ASIC2: variants seen among roughly 807,000 people sequenced by gnomAD.
The protein encoded by ASIC2 is acid sensing ion channel subunit 2, also known as acid-sensing ion channel 2.
A neutral mutation model predicts 57.3 loss-of-function variants in ASIC2; 25 were observed. The observed-to-expected ratio is 0.44, with a 90% confidence interval of 0.32 to 0.61. The LOEUF (loss-of-function observed/expected upper bound fraction) is 0.61, where lower values mean the gene tolerates loss of function less well. Among genes scored for constraint, ASIC2 ranks in the 20% least tolerant of loss-of-function variants. The pLI is 0.06. For missense variants in ASIC2, 641 were observed against 738.1 expected (o/e 0.87, Z 1.52); for synonymous variants, 319 against 307.5 (o/e 1.04, Z -0.39).
intron 1 of ASIC2, among the ~76,000 whole-genome samples, chr17:33,228,359 AG>A (rs1221272038): frequency 1.8e-4 from 28 of 152,318 alleles, no homozygotes; most frequent in African/African-American, 7.2e-5. Context: ...AAAAAAAAGA[AG>A]GGGGGTAAGA....
chr17:33,736,530 A>G (rs1382635190), intron 1 of ASIC2, among the ~76,000 whole-genome samples: 1 of 152,194 alleles, frequency 6.6e-6, no homozygotes, highest in Non-Finnish European at 1.5e-5. Flanking sequence ...GTTTCCTGTG[A>G]GGCAGAAGAT....
At chr17:33,546,117 A>ATATGTAAATATATATACACATATG (rs1567645855) in intron 1 of ASIC2, among the ~76,000 whole-genome samples, 1 of 150,458 alleles carries the variant, frequency 6.6e-6, no homozygotes, top group Non-Finnish European at 1.5e-5. Context: ...ATGTGCATAT[A>ATATGTAAATATATATACACATATG]TATATGTAAA....
intron 1 of ASIC2, among the ~76,000 whole-genome samples, chr17:33,485,041 C>A (rs1913531636): frequency 6.6e-6 from 1 of 152,246 alleles, no homozygotes; most frequent in Non-Finnish European, 1.5e-5. Flanking sequence ...ACAGGCTCAC[C>A]CTTCAATTCT....
intron 1 of ASIC2, among the ~76,000 whole-genome samples, chr17:34,027,406 C>A (rs905275870): frequency 2.6e-5 from 4 of 152,148 alleles, no homozygotes; most frequent in Middle Eastern, 6.3e-3. Context: ...CATCACGGGT[C>A]AGACTTGTGT....
intron 1 of ASIC2, among the ~76,000 whole-genome samples, chr17:33,981,595 C>T (rs4795842): frequency 0.13 from 19,103 of 147,222 alleles, 1,605 homozygotes; most frequent in East Asian, 0.35. Context: ...CTCTCTTGCA[C>T]AGTTTCTAAA....
intron 1 of ASIC2, among the ~76,000 whole-genome samples, chr17:34,008,064 T>G (rs1002042495): frequency 2.0e-5 from 3 of 152,212 alleles, no homozygotes; most frequent in Admixed American, 6.5e-5. Flanking sequence ...CATGTGCGTA[T>G]GTACAGTATA....
intron 1 of ASIC2, among the ~76,000 whole-genome samples, chr17:34,083,466 A>C (rs1168891251): frequency 1.3e-5 from 2 of 151,682 alleles, no homozygotes; most frequent in African/African-American, 2.4e-5. Flanking sequence ...TATTGTGAAT[A>C]GTGCCACAAT....
chr17:33,159,566 C>G (rs1597609453), intron 1 of ASIC2, among the ~76,000 whole-genome samples: 1 of 152,142 alleles, frequency 6.6e-6, no homozygotes, highest in South Asian at 2.1e-4. Flanking sequence ...GTTACCTGGC[C>G]TGGGCTTCTT....
chr17:33,895,810 C>T (rs1039032268), intron 1 of ASIC2, among the ~76,000 whole-genome samples: 3 of 152,148 alleles, frequency 2.0e-5, no homozygotes, highest in South Asian at 2.1e-4. Flanking sequence ...TCATGTCTTA[C>T]GAGGCAGAAC....
chr17:34,027,112 G>T (rs1907404565), intron 1 of ASIC2, among the ~76,000 whole-genome samples: 1 of 152,144 alleles, frequency 6.6e-6, no homozygotes, highest in Non-Finnish European at 1.5e-5. Flanking sequence ...TGCTAACAAT[G>T]ATAAAGTAAA....
rs1909316712 is a variant in ASIC2 at position 33,719,364 on chromosome 17, G to A, written c.555+436614C>T. Among the ~76,000 whole-genome samples the A allele has an allele frequency of 2.6e-5, 4 of 152,190 alleles. 1 individual carries two copies. The stretch of plus-strand genomic sequence containing the variant: ...GAGGGACCTGATTCAGCGCTGCCCT[G>A]CAGGTGTCCTGTGCAACCTGCTCCA... On this transcript the variant is annotated intron_variant, in intron 1 of 9. Coordinates refer to the ASIC2 transcript ENST00000359872.
intron 1 of ASIC2, among the ~76,000 whole-genome samples, chr17:33,694,757 G>C (rs1908476802): frequency 6.6e-6 from 1 of 152,182 alleles, no homozygotes; most frequent in South Asian, 2.1e-4. Flanking sequence ...GGGACCTGGG[G>C]ATGCTGTAAT....
chr17:34,022,555 T>C (rs1392084247), intron 1 of ASIC2, among the ~76,000 whole-genome samples: 1 of 151,478 alleles, frequency 6.6e-6, no homozygotes, highest in African/African-American at 2.4e-5. Flanking sequence ...CCAAGAACTA[T>C]GCTAGACACT....
chr17:33,641,961 C>T (rs1030248353), intron 1 of ASIC2, among the ~76,000 whole-genome samples: 6 of 152,044 alleles, frequency 3.9e-5, no homozygotes, highest in Non-Finnish European at 2.9e-5. Flanking sequence ...CTTAATTTTC[C>T]TATTTTTTAT....
At chr17:33,569,246 G>A (rs1916350128) in intron 1 of ASIC2, 1 of 152,320 alleles carries the variant, frequency 6.6e-6, no homozygotes, top group Middle Eastern at 3.2e-3. Flanking sequence ...AAGCCCTGGA[G>A]GTGGGGCCTG....
intron 1 of ASIC2, among the ~76,000 whole-genome samples, chr17:33,639,761 G>GAAAAAAA (rs3032192): frequency 4.0e-5 from 5 of 125,108 alleles, no homozygotes; most frequent in African/African-American, 1.3e-4. Flanking sequence ...CTCAGGTTAA[G>GAAAAAAA]AAAAAAAAAA....
intron 1 of ASIC2, among the ~76,000 whole-genome samples, chr17:33,496,505 C>A (rs1478965293): frequency 2.0e-5 from 3 of 151,674 alleles, no homozygotes; most frequent in Admixed American, 1.3e-4. Flanking sequence ...GGCTTCCCAG[C>A]CATCACCTGA....
intron 2 of ASIC2, among the ~76,000 whole-genome samples, chr17:33,089,685 T>C (rs1299491839): frequency 6.6e-6 from 1 of 152,230 alleles, no homozygotes; most frequent in Non-Finnish European, 1.5e-5. Flanking sequence ...TTCTGGGTCA[T>C]GAACTGAAGG....
chr17:33,596,324 C>A (rs1309209065), intron 1 of ASIC2, among the ~76,000 whole-genome samples: 2 of 152,078 alleles, frequency 1.3e-5, no homozygotes, highest in Admixed American at 6.5e-5. Flanking sequence ...AACAGTTATT[C>A]GTATTTAAAC....
Sources: allele counts gnomAD v4.1 joint callset (sites outside exome capture counted in the v4.1 genomes callset), GRCh38; gene constraint gnomAD v4.1.1; transcripts MANE v1.5; gene names NCBI Gene and HGNC (gene_info 2026-07-23, HGNC 2026-07-21).